PSD3: variants seen among roughly 807,000 people sequenced by gnomAD.
PSD3 encodes the protein PH and SEC7 domain-containing protein 3.
Under a neutral mutation model 105.5 loss-of-function variants are expected in PSD3, and 49 were observed. That is an observed-to-expected ratio of 0.46 (90% CI 0.37 to 0.59). PSD3 has a LOEUF of 0.59. Ranked by LOEUF, PSD3 falls within the 20% of genes least tolerant of loss-of-function variation. The pLI is 0.00. For synonymous variants in PSD3, 557 were observed against 457.8 expected, an observed-to-expected ratio of 1.22 and a Z score of -2.77; for missense variants, 1,561 against 1,263.8, an observed-to-expected ratio of 1.24 and a Z score of -3.57.
At chr8:18,574,384 G>A (rs946171054) in intron 13 of PSD3, among the ~76,000 whole-genome samples, 1 of 152,086 alleles carries the variant, frequency 6.6e-6, no homozygotes, top group African/African-American at 2.4e-5. Context: ...AAAAATCAGG[G>A]AACAGAATAA....
At chr8:18,943,656 G>A (rs745711855) in intron 1 of PSD3, among the ~76,000 whole-genome samples, 1 of 152,092 alleles carries the variant, frequency 6.6e-6, no homozygotes, top group East Asian at 1.9e-4. Flanking sequence ...AAGCACTTAA[G>A]TCCTCAGATC....
At chr8:19,033,484 A>C (rs1207642470) in intron 1 of PSD3, among the ~76,000 whole-genome samples, 1 of 151,780 alleles carries the variant, frequency 6.6e-6, no homozygotes, top group East Asian at 1.9e-4. Flanking sequence ...TGTAGATGTA[A>C]TGTGAAAATC....
intron 11 of PSD3, among the ~76,000 whole-genome samples, chr8:18,628,481 C>G (rs547530273): frequency 4.6e-5 from 7 of 151,838 alleles, no homozygotes; most frequent in Admixed American, 1.3e-4. Flanking sequence ...GGATTCTATA[C>G]CCAGTGAATA....
At chr8:18,600,640 T>G (rs867978640) in intron 11 of PSD3, among the ~76,000 whole-genome samples, 5 of 152,296 alleles carry the variant, frequency 3.3e-5, no homozygotes, top group Middle Eastern at 6.8e-3. Context: ...TTTACAATGC[T>G]CCTACCAGGT....
chr8:18,984,916 A>T (rs1825426107), intron 1 of PSD3, among the ~76,000 whole-genome samples: 1 of 152,046 alleles, frequency 6.6e-6, no homozygotes, highest in Admixed American at 6.5e-5. Context: ...CCTAACCCTG[A>T]CCCATCACGC....
intron 11 of PSD3, among the ~76,000 whole-genome samples, chr8:18,606,057 TC>T (rs1052934674): frequency 2.4e-4 from 36 of 152,174 alleles, no homozygotes; most frequent in African/African-American, 8.4e-4. Flanking sequence ...CTACCCTGAG[TC>T]TAAATGCTAT....
chr8:18,872,033 C>T lies in PSD3; in HGVS notation c.831G>A (p.Gly277=), dbSNP rs1410231298. 10 of 1,614,168 alleles carry T rather than the reference C, an allele frequency of 6.2e-6. 1 individual carries two copies. The highest frequency in any genetic ancestry group is 4.0e-5 in the African/African-American group (3 of 75,046). ...GFLKEQRSAL[G]REHPGGCDRS... ...GATCACATCCCCCTGGGTGCTCTCT[C>T]CCAAGAGCAGACCTCTGCTCTTTCA... The change falls in exon 3 of 16, where the codon GGG becomes GGA. Residue 277 remains glycine (G), a synonymous_variant. Transcript: ENST00000327040.
intron 1 of PSD3, among the ~76,000 whole-genome samples, chr8:19,070,204 T>C (rs1489829672): frequency 1.3e-5 from 2 of 151,904 alleles, no homozygotes; most frequent in Admixed American, 6.6e-5. Context: ...TTACAGAAAA[T>C]TGTCCTGTAG....
At chr8:18,981,172 T>C (rs1261807996) in intron 1 of PSD3, among the ~76,000 whole-genome samples, 1 of 152,196 alleles carries the variant, frequency 6.6e-6, no homozygotes, top group African/African-American at 2.4e-5. Flanking sequence ...AGGACACTGC[T>C]AGCCCTCAGC....
At chr8:19,071,129 G>C (rs745369810) in intron 1 of PSD3, among the ~76,000 whole-genome samples, 2 of 151,606 alleles carry the variant, frequency 1.3e-5, no homozygotes, top group African/African-American at 2.4e-5. Flanking sequence ...GTGCAATCTC[G>C]GCTCACTGCA....
At chr8:18,878,207 G>A (rs151092584) in intron 2 of PSD3, among the ~76,000 whole-genome samples, 21 of 151,438 alleles carry the variant, frequency 1.4e-4, no homozygotes, top group African/African-American at 4.6e-4. Flanking sequence ...TATTTCTTTT[G>A]ATATTGCTTT....
chr8:18,733,776 C>A (rs1210680489), intron 9 of PSD3: 1 of 152,616 alleles, frequency 6.6e-6, no homozygotes, highest in Non-Finnish European at 1.5e-5. Context: ...TAATCCTCAA[C>A]TAACATCCCA....
At position 18,534,826 on chromosome 8, in the gene PSD3, C is replaced by G. The variant is rs746955367; in HGVS notation, c.*917G>C. 9.2e-5 allele frequency: 14 copies of G among 152,554 alleles called. No individual in the cohort carries two copies. Among genetic ancestry groups the G allele is most frequent in the African/African-American group, 3.4e-4 (14 of 41,402 alleles). 9.5% of individuals were successfully genotyped at this position (152,554 alleles called of 1,614,324 possible). A position where few individuals can be genotyped will look rare whatever the true frequency, so the allele number is the denominator to read the frequency against. ...ACACACGCACACACACGCACGCACA[C>G]ACACATATGTAGAGTAAGAAAAATC... On this transcript the variant is annotated 3_prime_UTR_variant, in exon 16 of 16. Transcript: ENST00000327040.
At chr8:18,913,120 C>T (rs1820358038) in intron 2 of PSD3, among the ~76,000 whole-genome samples, 1 of 138,090 alleles carries the variant, frequency 7.2e-6, no homozygotes, top group Non-Finnish European at 1.7e-5. Context: ...CACACACACA[C>T]ACACTCTCCT....
At chr8:18,883,869 C>T (rs1818284010) in intron 2 of PSD3, among the ~76,000 whole-genome samples, 1 of 152,134 alleles carries the variant, frequency 6.6e-6, no homozygotes, top group South Asian at 2.1e-4. Context: ...TCTGTTTTCC[C>T]TCCTTTCTAC....
chr8:18,662,511 A>G (rs995588714), intron 9 of PSD3, among the ~76,000 whole-genome samples: 3 of 152,226 alleles, frequency 2.0e-5, no homozygotes, highest in African/African-American at 7.2e-5. Flanking sequence ...ATTTGATAAA[A>G]CAGAGAACAG....
At chr8:18,897,545 A>C (rs948983404) in intron 2 of PSD3, among the ~76,000 whole-genome samples, 1 of 152,148 alleles carries the variant, frequency 6.6e-6, no homozygotes, top group African/African-American at 2.4e-5. Flanking sequence ...GATGAATGAC[A>C]CTGGTACTTT....
intron 9 of PSD3, among the ~76,000 whole-genome samples, chr8:18,659,301 G>A (rs1809143379): frequency 6.6e-6 from 1 of 152,186 alleles, no homozygotes; most frequent in African/African-American, 2.4e-5. Flanking sequence ...CTTCATTCAT[G>A]AGCCTCTCGC....
chr8:18,721,990 T>C (rs903640704), intron 9 of PSD3, among the ~76,000 whole-genome samples: 21 of 152,242 alleles, frequency 1.4e-4, no homozygotes, highest in African/African-American at 5.1e-4. Flanking sequence ...TAACAACACA[T>C]TTGAAAGCGG....
Sources: allele counts gnomAD v4.1 joint callset (sites outside exome capture counted in the v4.1 genomes callset), GRCh38; gene constraint gnomAD v4.1.1; transcripts MANE v1.5; gene names NCBI Gene and HGNC (gene_info 2026-07-23, HGNC 2026-07-21).